Variants in EPG5 observed in about 807,000 individuals in gnomAD.
EPG5 encodes the protein ectopic P-granules 5 autophagy tethering factor.
In EPG5, 159 loss-of-function variants were observed where a neutral mutation model predicts 302.7. That is an observed-to-expected ratio of 0.53 (90% CI 0.46 to 0.60). The LOEUF is 0.60. EPG5 is among the 20% of genes least tolerant of loss of function. The probability of loss-of-function intolerance (pLI) is 0.00; values close to 1 mark genes in which losing one functional copy is unlikely to be tolerated. For synonymous variants in EPG5, 1,158 were observed against 1,136.8 expected (o/e 1.02, Z -0.37); for missense variants, 2,896 against 3,092.4 (o/e 0.94, Z 1.51).
intron 10 of EPG5, among the ~76,000 whole-genome samples, chr18:45,939,094 G>A (rs966888276): frequency 6.6e-6 from 1 of 152,182 alleles, no homozygotes; most frequent in African/African-American, 2.4e-5. Context: ...ACAGGTCCTA[G>A]GCTGTAAGCA....
At chr18:45,959,716 A>G (rs2051107773) in intron 1 of EPG5, among the ~76,000 whole-genome samples, 1 of 152,094 alleles carries the variant, frequency 6.6e-6, no homozygotes, top group Non-Finnish European at 1.5e-5. Flanking sequence ...GCAGTGGCTC[A>G]TGCCTGTAAT....
chr18:45,913,697 T>C lies in EPG5; in HGVS notation c.3816+9A>G. ...TTCTACCACTCAAATGCAGAACTGC[T>C]ATTTGTACCTTCAGAGCTTGGTCAG... is the stretch of plus-strand genomic sequence containing the variant. On this transcript the variant is annotated intron_variant, in intron 21 of 43. Transcript: ENST00000282041. 2 of 1,613,974 alleles carry C rather than the reference T, an allele frequency of 1.2e-6. No homozygotes were observed. Among genetic ancestry groups the C allele is most frequent in the Non-Finnish European group, 1.7e-6 (2 of 1,179,916 alleles).
At chr18:45,943,649 C>T (rs1239330190) in intron 8 of EPG5, among the ~76,000 whole-genome samples, 5 of 152,102 alleles carry the variant, frequency 3.3e-5, no homozygotes, top group Admixed American at 6.5e-5. Flanking sequence ...GGGCCAGGCA[C>T]GGTGGCTCAC....
At chr18:45,896,278 A>G (rs773014896) in intron 27 of EPG5, among the ~76,000 whole-genome samples, 20 of 152,238 alleles carry the variant, frequency 1.3e-4, no homozygotes, top group Non-Finnish European at 2.2e-4. Flanking sequence ...TATTATTGAT[A>G]CTGAACTTCT....
At chr18:45,937,565 C>T (rs1279961531) in intron 10 of EPG5, among the ~76,000 whole-genome samples, 1 of 152,018 alleles carries the variant, frequency 6.6e-6, no homozygotes, top group African/African-American at 2.4e-5. Context: ...TGCCACCACG[C>T]CCAGCTAATT....
Position 45,865,902 on chromosome 18 carries a change from T to C in EPG5, c.6622-143A>G, listed in dbSNP as rs752065059. 1.4e-3 allele frequency: 1,384 copies of C among 965,928 alleles called. 2 individuals are homozygous for C. Among genetic ancestry groups the C allele is most frequent in the Non-Finnish European group, 1.9e-3 (1,262 of 650,092 alleles). 59.8% of individuals were successfully genotyped at this position (965,928 alleles called of 1,614,324 possible). Reference sequence around the variant, plus strand: ...AACAGGAAGCCACATGAAGACTTAGTCCCACGTGGCCCAAGGGGCCTAGTG... The same window carrying C: ...AACAGGAAGCCACATGAAGACTTAGCCCCACGTGGCCCAAGGGGCCTAGTG... On this transcript the variant is annotated intron_variant, in intron 38 of 43. Transcript: ENST00000282041.
Position 45,951,220 on chromosome 18 carries a change from C to CTTTCTG in EPG5, c.1265_1270dup (p.Thr422_Glu423dup), listed in dbSNP as rs1241467877. On this transcript the variant is annotated inframe_insertion, in exon 4 of 44. Transcript: ENST00000282041. The stretch of plus-strand genomic sequence containing the variant: ...TAGTTGACACAGATCAGAGGGAATG[C>CTTTCTG]TTTCTGTCTGCTTAGACGCTGTAAA... 1.9e-6 allele frequency: 3 copies of CTTTCTG among 1,560,872 alleles called. No homozygotes were observed. The highest frequency in any genetic ancestry group is 2.7e-5 in the African/African-American group (2 of 73,100).
At chr18:45,963,550 C>T (rs1336672754) in intron 1 of EPG5, among the ~76,000 whole-genome samples, 2 of 152,234 alleles carry the variant, frequency 1.3e-5, no homozygotes, top group East Asian at 1.9e-4. Context: ...GCTGGAGAAT[C>T]GCTTGAACCA....
At chr18:45,846,190 C>T (rs1346053824), downstream of EPG5, among the ~76,000 whole-genome samples, 1 of 151,994 alleles carries the variant, frequency 6.6e-6, no homozygotes, top group East Asian at 1.9e-4. Context: ...CAATAACAGC[C>T]CCTCATGTTT....
intron 27 of EPG5, among the ~76,000 whole-genome samples, chr18:45,892,841 A>G (rs2049383106): frequency 6.6e-6 from 1 of 152,226 alleles, no homozygotes; most frequent in Admixed American, 6.5e-5. Context: ...TTCATGATAT[A>G]ATTTGAACTC....
intron 29 of EPG5, among the ~76,000 whole-genome samples, chr18:45,886,096 G>A (rs2145456570): frequency 6.6e-6 from 1 of 152,304 alleles, no homozygotes; most frequent in Non-Finnish European, 1.5e-5. Flanking sequence ...GCATAAGTAG[G>A]TGCAAAATTC....
chr18:45,820,899 T>G, the EPG5 span, among the ~76,000 whole-genome samples: 1 of 152,150 alleles, frequency 6.6e-6, no homozygotes, highest in African/African-American at 2.4e-5. Context: ...AAAGACTCAT[T>G]ACCAAGTCCC....
intron 4 of EPG5, among the ~76,000 whole-genome samples, chr18:45,950,121 T>C (rs1447918533): frequency 6.6e-6 from 1 of 152,214 alleles, no homozygotes; most frequent in Non-Finnish European, 1.5e-5. Context: ...ACATTAAATA[T>C]CACGACAAAA....
At chr18:45,925,697 T>C (rs1437702939) in intron 14 of EPG5, 41 bp downstream of exon 14, 1 of 1,397,180 alleles carries the variant, frequency 7.2e-7, no homozygotes, top group African/African-American at 1.5e-5. Context: ...AACAGATGCA[T>C]GTACAACCTC....
chr18:45,940,759 G>T, intron 9 of EPG5, among the ~76,000 whole-genome samples: 1 of 152,108 alleles, frequency 6.6e-6, no homozygotes, highest in South Asian at 2.1e-4. Flanking sequence ...ATGGTATTTT[G>T]ATGGTGGAGA....
chr18:45,896,505 T>A (rs1026959582), intron 27 of EPG5, among the ~76,000 whole-genome samples: 1 of 152,166 alleles, frequency 6.6e-6, no homozygotes, highest in Non-Finnish European at 1.5e-5. Context: ...CTTCATTACT[T>A]TTCCCCCTTC....
the EPG5 span, among the ~76,000 whole-genome samples, chr18:45,824,215 AT>A: frequency 2.0e-5 from 3 of 150,734 alleles, no homozygotes; most frequent in Admixed American, 6.6e-5. Context: ...GAACTTTTTT[AT>A]TTTTTTTTGA....
At chr18:45,882,853 C>T (rs1473226846) in intron 30 of EPG5, among the ~76,000 whole-genome samples, 1 of 151,634 alleles carries the variant, frequency 6.6e-6, no homozygotes, top group Non-Finnish European at 1.5e-5. Flanking sequence ...ACTAAAAATA[C>T]AAAATTAGCC....
intron 2 of EPG5, chr18:45,953,795 C>T (rs900019611): frequency 1.8e-5 from 18 of 985,204 alleles, no homozygotes; most frequent in South Asian, 4.7e-5. Context: ...TCAGTTACTA[C>T]CTTCAGATTC....
Sources: allele counts gnomAD v4.1 joint callset (sites outside exome capture counted in the v4.1 genomes callset), GRCh38; gene constraint gnomAD v4.1.1; transcripts MANE v1.5; gene names NCBI Gene and HGNC (gene_info 2026-07-23, HGNC 2026-07-21).